TGFBR3: variants seen among roughly 807,000 people sequenced by gnomAD.
TGFBR3 encodes transforming growth factor beta receptor type 3.
A neutral mutation model predicts 87.9 loss-of-function variants in TGFBR3; 46 were observed. The ratio of observed to expected loss-of-function variants is 0.52; its 90% CI spans 0.41 to 0.67. TGFBR3 has a LOEUF of 0.67. Among genes scored for constraint, TGFBR3 ranks in the 30% least tolerant of loss-of-function variants. The pLI, the probability that TGFBR3 is intolerant of heterozygous loss-of-function variation, is 0.00. For synonymous variants in TGFBR3, 381 were observed against 391.6 expected, an observed-to-expected ratio of 0.97 and a Z score of 0.32; for missense variants, 866 against 1,041.9, an observed-to-expected ratio of 0.83 and a Z score of 2.32.
rs546339016 is a variant in TGFBR3, at chr1:91,688,765, C to T, written c.2438-4908G>A. ...AGTCAAGCGCATACCCAAAAGTCCA[C>T]CCAAGTCAGGTAAGAGGTTTTCATT... On this transcript the variant is annotated intron_variant, in intron 16 of 16. Transcript: ENST00000212355. Among the ~76,000 whole-genome samples the T allele has an allele frequency of 5.9e-5, 9 of 152,220 alleles. No homozygotes were observed. In the South Asian group the frequency reaches 1.9e-3, roughly 32 times the overall value.
intron 15 of TGFBR3, among the ~76,000 whole-genome samples, chr1:91,696,735 C>T (rs2765888): frequency 0.13 from 20,006 of 152,134 alleles, 1,428 homozygotes; most frequent in South Asian, 0.26. Context: ...CCACTATTAT[C>T]ATATTATTTC....
chr1:91,886,011 A>G lies in TGFBR3; in HGVS notation c.-247T>C. The stretch of plus-strand genomic sequence containing the variant: ...GCCGCGGCAAAACTACGCCATCCGG[A>G]CCCGCTGGGGACTCTCACCTCCTGC... On this transcript the variant is annotated 5_prime_UTR_variant, in exon 1 of 17. Coordinates refer to ENST00000212355, the MANE Select transcript of TGFBR3 (RefSeq NM_003243.5). 1 of 453,502 alleles carries G rather than the reference A, an allele frequency of 2.2e-6. No individual in the cohort carries two copies. The highest frequency in any genetic ancestry group is 4.4e-6 in the Non-Finnish European group (1 of 226,494). The allele number at this position is 453,502 out of a possible 1,614,324, so 28.1% of individuals were successfully genotyped here.
chr1:91,705,961 T>C (rs1322817679), intron 14 of TGFBR3, among the ~76,000 whole-genome samples: 1 of 152,156 alleles, frequency 6.6e-6, no homozygotes, highest in African/African-American at 2.4e-5. Context: ...GCAAGAGAAA[T>C]TACTTAGAAA....
At chr1:91,725,633 A>C (rs1295401407) in intron 7 of TGFBR3, among the ~76,000 whole-genome samples, 1 of 152,216 alleles carries the variant, frequency 6.6e-6, no homozygotes, top group Non-Finnish European at 1.5e-5. Flanking sequence ...ATGAACAAAC[A>C]AATGAACTCA....
chr1:91,777,310 C>T (rs1159507419), intron 3 of TGFBR3, among the ~76,000 whole-genome samples: 2 of 152,182 alleles, frequency 1.3e-5, no homozygotes, highest in African/African-American at 2.4e-5. Context: ...CAGCTGAAGA[C>T]CATTCTCCCA....
At chr1:91,820,097 A>T (rs1478730516) in intron 2 of TGFBR3, among the ~76,000 whole-genome samples, 2 of 152,242 alleles carry the variant, frequency 1.3e-5, no homozygotes, top group Non-Finnish European at 2.9e-5. Flanking sequence ...TTTACCTATG[A>T]GCAATCATAA....
At chr1:91,706,270 T>C (rs1346784945) in intron 14 of TGFBR3, among the ~76,000 whole-genome samples, 1 of 152,044 alleles carries the variant, frequency 6.6e-6, no homozygotes, top group Non-Finnish European at 1.5e-5. Context: ...AGTCACAGGA[T>C]GGGAGAGAAG....
chr1:91,873,941 C>A (rs1414755486), intron 1 of TGFBR3, among the ~76,000 whole-genome samples: 3 of 150,612 alleles, frequency 2.0e-5, no homozygotes, highest in African/African-American at 4.9e-5. Flanking sequence ...CAGAGTGAGA[C>A]CCTGCCACAA....
exon 1 of TGFBR3, chr1:91,905,931 T>G (rs952200456): frequency 2.0e-5 from 3 of 152,236 alleles, no homozygotes; most frequent in Non-Finnish European, 4.4e-5. Flanking sequence ...TTCAGGCTCA[T>G]GCGGTTCTTT....
At position 91,831,460 on chromosome 1, in the gene TGFBR3, A is replaced by G. The variant is rs562171270; in HGVS notation, c.61+30011T>C. ...ATTAAGGTTTACCATTCCCAGAAAC[A>G]TATGCTTCTGTCTTTATCAACCATG... On this transcript the variant is annotated intron_variant, in intron 2 of 16. Coordinates refer to ENST00000212355, the MANE Select transcript of TGFBR3 (RefSeq NM_003243.5). 3.3e-5 allele frequency among the ~76,000 whole-genome samples: 5 copies of G among 152,318 alleles called. No homozygotes were observed. In the East Asian group the frequency reaches 7.7e-4, roughly 24 times the overall value.
At chr1:91,729,347 G>A (rs74099439) in intron 6 of TGFBR3, among the ~76,000 whole-genome samples, 53 of 152,066 alleles carry the variant, frequency 3.5e-4, no homozygotes, top group African/African-American at 1.1e-3. Context: ...GTGCCTAAGC[G>A]CTCTAAGGAC....
chr1:91,807,377 A>G (rs1267476855), intron 2 of TGFBR3, among the ~76,000 whole-genome samples: 4 of 152,204 alleles, frequency 2.6e-5, no homozygotes, highest in Non-Finnish European at 2.9e-5. Context: ...TCACCCTCCA[A>G]GCAAAATCTA....
chr1:91,717,202 G>T (rs1250745061), intron 10 of TGFBR3, among the ~76,000 whole-genome samples: 1 of 151,674 alleles, frequency 6.6e-6, no homozygotes, highest in African/African-American at 2.4e-5. Context: ...AGCAGCGAAG[G>T]ACCTAATGTT....
chr1:91,784,716 G>A (rs1453948254), intron 3 of TGFBR3, among the ~76,000 whole-genome samples: 1 of 152,164 alleles, frequency 6.6e-6, no homozygotes, highest in Non-Finnish European at 1.5e-5. Flanking sequence ...GTGGGGCAAG[G>A]GGTTTAGCTG....
chr1:91,748,877 A>G (rs1673438245), intron 4 of TGFBR3, among the ~76,000 whole-genome samples: 2 of 152,168 alleles, frequency 1.3e-5, no homozygotes, highest in African/African-American at 4.8e-5. Context: ...CAAAGACAAC[A>G]AAAGCACCTA....
chr1:91,699,474 G>A (rs900170561), intron 14 of TGFBR3, among the ~76,000 whole-genome samples: 5 of 109,766 alleles, frequency 4.6e-5, no homozygotes, highest in Non-Finnish European at 8.5e-5. Context: ...GCAAGGTCTA[G>A]TTCTCAGTCA....
rs1256551661 is a variant in TGFBR3, at chr1:91,885,974, G to C, written c.-210C>G. On this transcript the variant is annotated 5_prime_UTR_variant, in exon 1 of 17. Transcript: ENST00000212355. ...CCAGCGCTCGGCGGCGGCGAGCTCC[G>C]GCAGCTGCTGCGCCGCGGCAAAACT... 2.2e-6 allele frequency: 1 copy of C among 451,568 alleles called. No homozygotes were observed. The highest frequency in any genetic ancestry group is 2.0e-5 in the African/African-American group (1 of 49,804). The allele number at this position is 451,568 out of a possible 1,614,324, so 28.0% of individuals were successfully genotyped here. A position where few individuals can be genotyped will look rare whatever the true frequency, so the allele number is the denominator to read the frequency against.
chr1:91,872,709 G>C (rs2101244251), intron 1 of TGFBR3, among the ~76,000 whole-genome samples: 1 of 152,260 alleles, frequency 6.6e-6, no homozygotes, highest in South Asian at 2.1e-4. Flanking sequence ...CTTTAACGTT[G>C]TGTTTGCTTT....
At chr1:91,823,679 A>G (rs1676532324) in intron 2 of TGFBR3, among the ~76,000 whole-genome samples, 1 of 152,226 alleles carries the variant, frequency 6.6e-6, no homozygotes, top group African/African-American at 2.4e-5. Flanking sequence ...CAGAAAGCAG[A>G]TTAGTAATTG....
Sources: allele counts gnomAD v4.1 joint callset (sites outside exome capture counted in the v4.1 genomes callset), GRCh38; gene constraint gnomAD v4.1.1; transcripts MANE v1.5; gene names NCBI Gene and HGNC (gene_info 2026-07-23, HGNC 2026-07-21).